Variants in DOCK8 observed in about 807,000 individuals in gnomAD.
DOCK8 encodes the protein dedicator of cytokinesis protein 8.
DOCK8 carries 141 observed loss-of-function variants against 245.6 expected under a neutral mutation model. The ratio of observed to expected loss-of-function variants is 0.57; its 90% CI spans 0.50 to 0.66. DOCK8 has a LOEUF of 0.66. Among genes scored for constraint, DOCK8 ranks in the 30% least tolerant of loss-of-function variants. The probability of loss-of-function intolerance (pLI) is 0.00; values close to 1 mark genes in which losing one functional copy is unlikely to be tolerated. For missense variants in DOCK8, 2,965 were observed against 2,603.4 expected (o/e 1.14, Z -3.02); for synonymous variants, 1,168 against 970.2 (o/e 1.20, Z -3.79).
At chr9:336,544 A>C in intron 11 of DOCK8, 38 bp from the exon 12 acceptor site, 1 of 1,613,994 alleles carries the variant, frequency 6.2e-7, no homozygotes, top group Non-Finnish European at 8.5e-7. Flanking sequence ...GTTTGAACAG[A>C]AAGGCATACT....
chr9:396,145 T>G (rs1488064913), intron 24 of DOCK8, among the ~76,000 whole-genome samples: 1 of 152,160 alleles, frequency 6.6e-6, no homozygotes, highest in East Asian at 1.9e-4. Flanking sequence ...AGAGGTAATG[T>G]TTTCCCTGGA....
At chr9:225,004 C>G (rs901546742) in intron 1 of DOCK8, among the ~76,000 whole-genome samples, 2 of 152,202 alleles carry the variant, frequency 1.3e-5, no homozygotes, top group Non-Finnish European at 2.9e-5. Flanking sequence ...CCTGGTCTCA[C>G]AGATCCCCTT....
intron 1 of DOCK8, among the ~76,000 whole-genome samples, chr9:244,711 C>T (rs1286586873): frequency 4.6e-5 from 7 of 151,870 alleles, no homozygotes; most frequent in Non-Finnish European, 1.0e-4. Flanking sequence ...TGGTTCCTCC[C>T]TAGAGTTCCA....
intron 36 of DOCK8, among the ~76,000 whole-genome samples, chr9:430,775 C>T (rs1374224461): frequency 6.6e-6 from 1 of 152,048 alleles, no homozygotes; most frequent in Admixed American, 6.6e-5. Flanking sequence ...AAGAGTGTTT[C>T]CTGTTTCTAA....
chr9:252,589 G>T (rs1479538082), intron 1 of DOCK8, among the ~76,000 whole-genome samples: 1 of 151,970 alleles, frequency 6.6e-6, no homozygotes, highest in African/African-American at 2.4e-5. Context: ...GATCACCTGA[G>T]GTCAGGAGTT....
At chr9:253,207 G>T (rs758228096) in intron 1 of DOCK8, among the ~76,000 whole-genome samples, 1 of 152,114 alleles carries the variant, frequency 6.6e-6, no homozygotes, top group Non-Finnish European at 1.5e-5. Context: ...ATATAGATTA[G>T]TCTGATGTAG....
chr9:384,609 C>G (rs2053869343), intron 22 of DOCK8, among the ~76,000 whole-genome samples: 1 of 152,184 alleles, frequency 6.6e-6, no homozygotes, highest in Non-Finnish European at 1.5e-5. Flanking sequence ...ACCATCTACC[C>G]TGGGTCTTTT....
chr9:390,712 C>A (rs1354974118), intron 24 of DOCK8, 146 bp downstream of exon 24: 10 of 751,608 alleles, frequency 1.3e-5, no homozygotes, highest in Non-Finnish European at 2.3e-5. Flanking sequence ...CCCCTCCCAT[C>A]CTTCTTCCAC....
intron 1 of DOCK8, among the ~76,000 whole-genome samples, chr9:257,912 G>A (rs1357433913): frequency 6.6e-6 from 1 of 152,218 alleles, no homozygotes; most frequent in Admixed American, 6.5e-5. Flanking sequence ...TTTCTAGCTT[G>A]GCCAGGGGAT....
intron 1 of DOCK8, among the ~76,000 whole-genome samples, chr9:227,338 C>A (rs2047012455): frequency 6.6e-6 from 1 of 152,214 alleles, no homozygotes; most frequent in Non-Finnish European, 1.5e-5. Context: ...ATGTAGTAGA[C>A]TGTACCTTTA....
At chr9:257,027 C>T (rs1475531269) in intron 1 of DOCK8, among the ~76,000 whole-genome samples, 14 of 152,214 alleles carry the variant, frequency 9.2e-5, no homozygotes, top group Admixed American at 9.2e-4. Flanking sequence ...ACTCCACCTC[C>T]CACATCAGAG....
At chr9:347,591 T>G (rs1296330018) in intron 14 of DOCK8, among the ~76,000 whole-genome samples, 1 of 152,194 alleles carries the variant, frequency 6.6e-6, no homozygotes, top group Non-Finnish European at 1.5e-5. Context: ...AAGCAGTCGC[T>G]TATGGAACAG....
At position 422,243 on chromosome 9, in the gene DOCK8, G is replaced by A. The variant is rs562973098; in HGVS notation, c.4241+108G>A. The A allele has an allele frequency of 2.1e-5, 19 of 907,276 alleles. No homozygotes were observed. In the African/African-American group the frequency reaches 3.1e-4, roughly 15 times the overall value. 56.2% of individuals were successfully genotyped at this position (907,276 alleles called of 1,614,324 possible). ...TGCATCCTTCCAAGGGTTAGAAAAT[G>A]AAACATCATTATCTGTGTAAATACA... On this transcript the variant is annotated intron_variant, in intron 33 of 47. Transcript: ENST00000432829.
At chr9:457,933 G>C (rs2057692072) in intron 46 of DOCK8, among the ~76,000 whole-genome samples, 2 of 152,140 alleles carry the variant, frequency 1.3e-5, no homozygotes, top group African/African-American at 4.8e-5. Context: ...GACATGAAGA[G>C]GTTAAGTAGC....
chr9:287,893 G>A (rs1270973293), intron 3 of DOCK8, among the ~76,000 whole-genome samples: 1 of 152,076 alleles, frequency 6.6e-6, no homozygotes, highest in Non-Finnish European at 1.5e-5. Context: ...GCTTACAGTA[G>A]CCAGTCACCG....
chr9:211,355 G>A (rs1214008467), upstream of DOCK8, among the ~76,000 whole-genome samples: 1 of 152,122 alleles, frequency 6.6e-6, no homozygotes, highest in African/African-American at 2.4e-5. Flanking sequence ...GGGCATACGA[G>A]CTAGCTAGAA....
At chr9:450,663 T>C (rs1039838780) in intron 45 of DOCK8, among the ~76,000 whole-genome samples, 8 of 151,878 alleles carry the variant, frequency 5.3e-5, no homozygotes, top group Non-Finnish European at 7.4e-5. Flanking sequence ...AAGTTCTGAG[T>C]GTACTTGACA....
Position 382,700 on chromosome 9 carries a change from A to C in DOCK8, c.2778+15A>C. 1 of 1,614,016 alleles carries C rather than the reference A, an allele frequency of 6.2e-7. No homozygotes were observed. Among genetic ancestry groups the C allele is most frequent in the Non-Finnish European group, 8.5e-7 (1 of 1,179,938 alleles). On this transcript the variant is annotated intron_variant, in intron 22 of 47. Coordinates refer to ENST00000432829, the MANE Select transcript of DOCK8 (RefSeq NM_203447.4). ...TGTCTTCAAAGGTAGGAAAGATGTCAAACCGTGGAAGGGGACACAGGCTTT... is the reference window on the plus strand; with the variant it reads ...TGTCTTCAAAGGTAGGAAAGATGTCCAACCGTGGAAGGGGACACAGGCTTT...
At chr9:403,964 ATATATATATATG>A (rs1564021791) in intron 26 of DOCK8, among the ~76,000 whole-genome samples, 1,348 of 75,668 alleles carry the variant, frequency 0.018, 70 homozygotes, top group African/African-American at 0.1. Context: ...ATATATGTAT[ATATATATATATG>A]TGTATATATA....
Sources: allele counts gnomAD v4.1 joint callset (sites outside exome capture counted in the v4.1 genomes callset), GRCh38; gene constraint gnomAD v4.1.1; transcripts MANE v1.5; gene names NCBI Gene and HGNC (gene_info 2026-07-23, HGNC 2026-07-21).